GFPT2: variants seen among roughly 807,000 people sequenced by gnomAD.
GFPT2 encodes glutamine--fructose-6-phosphate transaminase 2, also known as glutamine--fructose-6-phosphate aminotransferase [isomerizing] 2.
In GFPT2, 62 loss-of-function variants were observed where a neutral mutation model predicts 85.6. That is an observed-to-expected ratio of 0.72 (90% CI 0.59 to 0.90). The LOEUF (loss-of-function observed/expected upper bound fraction) is 0.90. GFPT2 is among the 40% of genes least tolerant of loss of function. GFPT2 has a pLI of 0.00. For missense variants in GFPT2, 788 were observed against 893.4 expected, an observed-to-expected ratio of 0.88 and a Z score of 1.50; for synonymous variants, 368 against 344.5, an observed-to-expected ratio of 1.07 and a Z score of -0.75.
chr5:180,313,795 G>A lies in GFPT2; in HGVS notation c.1431+12C>T, dbSNP rs1177947349. ...GGCTCTCCCTGGGACGGGCGCCCGT[G>A]GCTCCTCCTACCTTGGTGCTGGCCA... is the stretch of plus-strand genomic sequence containing the variant. On this transcript the variant is annotated intron_variant, in intron 14 of 18. Transcript: ENST00000253778. 1 of 1,540,546 alleles carries A rather than the reference G, an allele frequency of 6.5e-7. No homozygotes were observed. Among genetic ancestry groups the A allele is most frequent in the Admixed American group, 1.9e-5 (1 of 51,714 alleles).
chr5:180,316,292 C>T (rs1179173153), intron 13 of GFPT2, 49 bp downstream of exon 13: 4 of 1,603,638 alleles, frequency 2.5e-6, no homozygotes, highest in Non-Finnish European at 3.4e-6. Context: ...GAGGAGAGAG[C>T]CCAGAGCTGA....
intron 15 of GFPT2, among the ~76,000 whole-genome samples, chr5:180,311,099 T>TAA (rs1763872627): frequency 2.0e-5 from 3 of 152,202 alleles, no homozygotes; most frequent in Non-Finnish European, 4.4e-5. Flanking sequence ...CCATTCTCTA[T>TAA]GATGGCCCTT....
chr5:180,331,318 A>G (rs2127654063), intron 5 of GFPT2, 177 bp downstream of exon 5: 1 of 603,574 alleles, frequency 1.7e-6, no homozygotes, highest in Middle Eastern at 4.2e-4. Flanking sequence ...TCCTCAAACG[A>G]GATCTGCAGG....
At chr5:180,315,311 G>A (rs532149725) in intron 13 of GFPT2, among the ~76,000 whole-genome samples, 2 of 152,038 alleles carry the variant, frequency 1.3e-5, no homozygotes, top group South Asian at 2.1e-4. Flanking sequence ...CTGAGTAGCC[G>A]GGACTACAGG....
At chr5:180,339,191 C>A (rs1182431717) in intron 1 of GFPT2, among the ~76,000 whole-genome samples, 1 of 152,032 alleles carries the variant, frequency 6.6e-6, no homozygotes, top group East Asian at 1.9e-4. Flanking sequence ...ACCAGCCTGG[C>A]CAACATGGTG....
intron 9 of GFPT2, 81 bp from the exon 10 acceptor site, chr5:180,319,037 T>A: frequency 7.4e-7 from 1 of 1,352,272 alleles, no homozygotes; most frequent in Non-Finnish European, 1.0e-6. Context: ...TTCCCAAGCG[T>A]GGAGGCCACA....
chr5:180,351,104 T>A (rs1561886511), intron 1 of GFPT2, among the ~76,000 whole-genome samples: 1 of 152,232 alleles, frequency 6.6e-6, no homozygotes, highest in Non-Finnish European at 1.5e-5. Context: ...AGAATTTGAT[T>A]AAATTTTCAA....
intron 13 of GFPT2, among the ~76,000 whole-genome samples, chr5:180,314,386 TCCC>T (rs1470489250): frequency 6.6e-6 from 1 of 152,160 alleles, no homozygotes; most frequent in Non-Finnish European, 1.5e-5. Flanking sequence ...AGCAGGAATG[TCCC>T]CAAGTGGTGT....
intron 1 of GFPT2, among the ~76,000 whole-genome samples, chr5:180,351,733 C>G (rs1176397255): frequency 6.6e-6 from 1 of 152,132 alleles, no homozygotes; most frequent in Non-Finnish European, 1.5e-5. Flanking sequence ...TAGAGCCCCC[C>G]CAAAGCTCAG....
intron 1 of GFPT2, among the ~76,000 whole-genome samples, chr5:180,340,412 G>T (rs1764491103): frequency 6.6e-6 from 1 of 151,552 alleles, no homozygotes; most frequent in Non-Finnish European, 1.5e-5. Context: ...CTCCATGTTG[G>T]CCAGGCTGGT....
At chr5:180,352,719 G>T in intron 1 of GFPT2, 1 of 409,126 alleles carries the variant, frequency 2.4e-6, no homozygotes, top group Non-Finnish European at 4.8e-6. Context: ...GGGCGACCGG[G>T]CGGGCTGCGG....
chr5:180,311,162 T>C (rs888925), intron 15 of GFPT2, among the ~76,000 whole-genome samples: 77,080 of 152,040 alleles, frequency 0.51, 19,808 homozygotes, highest in East Asian at 0.62. Context: ...AGCTCCAGCG[T>C]CCACTCTGTC....
At position 180,301,300 on chromosome 5, in the gene GFPT2, C is replaced by CT; in HGVS notation, c.*263dup. 2 of 538,552 alleles carry CT rather than the reference C, an allele frequency of 3.7e-6. No homozygotes were observed. The highest frequency in any genetic ancestry group is 6.5e-6 in the Non-Finnish European group (2 of 306,312). The allele number at this position is 538,552 out of a possible 1,614,324, so 33.4% of individuals were successfully genotyped here. On this transcript the variant is annotated 3_prime_UTR_variant, in exon 19 of 19. Transcript: ENST00000253778. ...AGTTACTCTGAAGAGAGCTGTATCTCTATTGCACAGTAGTGGAGAAGTCTG... is the reference window on the plus strand; with the variant it reads ...AGTTACTCTGAAGAGAGCTGTATCTCTTATTGCACAGTAGTGGAGAAGTCTG...
chr5:180,331,848 C>T (rs920095015), intron 4 of GFPT2, among the ~76,000 whole-genome samples: 2 of 152,170 alleles, frequency 1.3e-5, no homozygotes, highest in Non-Finnish European at 2.9e-5. Context: ...GAGCTCTCCC[C>T]TGTGCGCTAT....
intron 14 of GFPT2, among the ~76,000 whole-genome samples, chr5:180,313,484 G>C (rs1341478305): frequency 6.6e-6 from 1 of 151,002 alleles, no homozygotes; most frequent in Non-Finnish European, 1.5e-5. Context: ...CAGCTACTCG[G>C]GAGGCTGAGG....
intron 1 of GFPT2, among the ~76,000 whole-genome samples, chr5:180,345,386 G>A (rs147103100): frequency 1.3e-4 from 20 of 152,374 alleles, no homozygotes; most frequent in African/African-American, 4.1e-4. Context: ...CTCACTGAGC[G>A]CTCCAGGGAA....
At position 180,336,476 on chromosome 5, in the gene GFPT2, T is replaced by C. The variant is rs746653440; in HGVS notation, c.214+3A>G. ...TCCTCCCACTCAGAGGTCCTCCACT[T>C]ACTGTAAAGTTCTTCATCGAGAGCC... On this transcript the variant is annotated splice_donor_region_variant and intron_variant, in intron 3 of 18. Coordinates refer to ENST00000253778, the MANE Select transcript of GFPT2 (RefSeq NM_005110.4). 3.2e-6 allele frequency: 5 copies of C among 1,541,440 alleles called. No homozygotes were observed. Among genetic ancestry groups the C allele is most frequent in the Non-Finnish European group, 4.5e-6 (5 of 1,113,580 alleles).
chr5:180,336,251 C>T, intron 3 of GFPT2: 3 of 586,994 alleles, frequency 5.1e-6, no homozygotes, highest in East Asian at 5.6e-5. Flanking sequence ...AAAATAACTA[C>T]TGTATGTAAC....
chr5:180,339,171 G>C (rs573139895), intron 1 of GFPT2, among the ~76,000 whole-genome samples: 12 of 152,112 alleles, frequency 7.9e-5, no homozygotes, highest in Non-Finnish European at 1.6e-4. Context: ...CCTGAGGTCA[G>C]GAGTTCGAGA....
Sources: gnomAD v4.1 joint callset for allele counts (sites outside exome capture counted in the v4.1 genomes callset) on GRCh38, gnomAD v4.1.1 for gene constraint, MANE v1.5 for transcripts, NCBI Gene and HGNC (gene_info 2026-07-23, HGNC 2026-07-21) for gene names.